GIGYF2: variants seen among roughly 807,000 people sequenced by gnomAD.
The protein encoded by GIGYF2 is GRB10 interacting GYF protein 2, also known as GRB10-interacting GYF protein 2.
GIGYF2 carries 25 observed loss-of-function variants against 208.1 expected under a neutral mutation model. The observed-to-expected ratio is 0.12, with a 90% CI of 0.09 to 0.17. GIGYF2 has a LOEUF of 0.17. Ranked by LOEUF, GIGYF2 falls within the 10% of genes least tolerant of loss-of-function variation. The pLI, the probability that GIGYF2 is intolerant of heterozygous loss-of-function variation, is 1.00. For missense variants in GIGYF2, 1,302 were observed against 1,579.4 expected, an observed-to-expected ratio of 0.82 and a Z score of 2.98; for synonymous variants, 534 against 543.8, an observed-to-expected ratio of 0.98 and a Z score of 0.25.
chr2:232,815,707 T>G lies in GIGYF2; in HGVS notation c.2178T>G (p.Leu726=), dbSNP rs745849355. 8.1e-6 allele frequency: 13 copies of G among 1,605,332 alleles called. No homozygotes were observed. The South Asian group carries it at 1.4e-4, about 18-fold the overall frequency. Residue 726 remains leucine, a synonymous_variant, in exon 19 of 29, where the codon CTT becomes CTG. Coordinates refer to ENST00000373563, the MANE Select transcript of GIGYF2 (RefSeq NM_001103146.3). The part of the protein sequence containing the change: ...TTTPGPALEQ[L]QQLEKAKAAK... ...CACCAGGCCCTGCCCTGGAACAGCT[T>G]CAGCAGCTAGAGAAGGCCAAAGCTG...
rs1574836053 is a variant in GIGYF2 at position 232,750,785 on chromosome 2, T to G, written c.267+1703T>G. ...TATGTTTGTGTGTGTGTGTATTTTT[T>G]GTTTACTTATTTAGATTTTCTATTT... On this transcript the variant is annotated intron_variant, in intron 5 of 28. Coordinates refer to ENST00000373563, the MANE Select transcript of GIGYF2 (RefSeq NM_001103146.3). 2.0e-5 allele frequency among the ~76,000 whole-genome samples: 3 copies of G among 151,772 alleles called. No homozygotes were observed. The East Asian group carries it at 5.8e-4, about 29-fold the overall frequency.
At chr2:232,814,568 C>CCG (rs1005668143) in intron 18 of GIGYF2, among the ~76,000 whole-genome samples, 2 of 123,634 alleles carry the variant, frequency 1.6e-5, no homozygotes, top group East Asian at 2.4e-4. Flanking sequence ...ACCTCAAACC[C>CCG]CCCCCCCCCA....
chr2:232,797,302 A>G (rs1700251356), intron 14 of GIGYF2, among the ~76,000 whole-genome samples: 1 of 152,106 alleles, frequency 6.6e-6, no homozygotes, highest in Non-Finnish European at 1.5e-5. Flanking sequence ...GTCACTTCAT[A>G]TTAGTGTAAT....
At chr2:232,838,189 G>A (rs1255115517) in intron 22 of GIGYF2, among the ~76,000 whole-genome samples, 2 of 152,066 alleles carry the variant, frequency 1.3e-5, no homozygotes, top group Non-Finnish European at 2.9e-5. Flanking sequence ...CTGTAGAACA[G>A]ACCTATGAAA....
At chr2:232,763,967 C>G (rs1698846963) in intron 8 of GIGYF2, among the ~76,000 whole-genome samples, 1 of 152,158 alleles carries the variant, frequency 6.6e-6, no homozygotes, top group African/African-American at 2.4e-5. Context: ...TAAATAAGAG[C>G]ATATGAACTC....
At position 232,813,951 on chromosome 2, in the gene GIGYF2, A is replaced by G. The variant is rs963361094; in HGVS notation, c.2107+1460A>G. Among the ~76,000 whole-genome samples the G allele has an allele frequency of 1.1e-3, 156 of 145,336 alleles. 1 individual carries two copies. In the Admixed American group the frequency reaches 0.011, roughly 10 times the overall value. On this transcript the variant is annotated intron_variant, in intron 18 of 28. Coordinates refer to ENST00000373563, the MANE Select transcript of GIGYF2 (RefSeq NM_001103146.3). ...TGCTGAGGCTGGTGTGTAGTGGCAC[A>G]ATCTCGGGTCACTGCAACCTCTGCC...
chr2:232,831,785 G>C (rs1295141456), intron 21 of GIGYF2, among the ~76,000 whole-genome samples: 1 of 152,174 alleles, frequency 6.6e-6, no homozygotes, highest in Non-Finnish European at 1.5e-5. Context: ...GGATATCACA[G>C]TGTGTGCAAC....
At chr2:232,809,573 GT>G in intron 15 of GIGYF2, 146 bp from the exon 16 acceptor site, 1 of 649,098 alleles carries the variant, frequency 1.5e-6, no homozygotes, top group Non-Finnish European at 2.8e-6. Context: ...AGATGTCTGA[GT>G]TTTTATTCAA....
At chr2:232,764,261 C>A (rs1454509008) in intron 8 of GIGYF2, among the ~76,000 whole-genome samples, 1 of 152,204 alleles carries the variant, frequency 6.6e-6, no homozygotes, top group African/African-American at 2.4e-5. Context: ...GGAAAGGATA[C>A]AACCCTCTCA....
chr2:232,857,070 T>G lies in GIGYF2; in HGVS notation c.*210T>G, dbSNP rs1690606988. ...CATCTCAGACTATAGATAAGTGGAC[T>G]GGACCCTGTGTCTTGGGGGTGGCAG... On this transcript the variant is annotated 3_prime_UTR_variant, in exon 29 of 29. Transcript: ENST00000373563. 5 of 602,412 alleles carry G rather than the reference T, an allele frequency of 8.3e-6. No homozygotes were observed. Among genetic ancestry groups the G allele is most frequent in the Non-Finnish European group, 1.5e-5 (5 of 334,732 alleles). The allele number at this position is 602,412 out of a possible 1,614,324, so 37.3% of individuals were successfully genotyped here.
chr2:232,819,629 ATTTTC>A (rs1342693322), intron 20 of GIGYF2, among the ~76,000 whole-genome samples, 193 bp from the exon 21 acceptor site: 7 of 152,182 alleles, frequency 4.6e-5, no homozygotes, highest in Non-Finnish European at 1.0e-4. Context: ...TTTAAATTCA[ATTTTC>A]TTTTCATTGT....
At chr2:232,718,839 G>T (rs1696816946) in intron 2 of GIGYF2, among the ~76,000 whole-genome samples, 1 of 152,152 alleles carries the variant, frequency 6.6e-6, no homozygotes, top group South Asian at 2.1e-4. Context: ...ACGTAGGTAG[G>T]CAGTGGGAAT....
intron 5 of GIGYF2, among the ~76,000 whole-genome samples, chr2:232,753,170 C>G (rs1415323159): frequency 6.6e-6 from 1 of 151,722 alleles, no homozygotes; most frequent in East Asian, 1.9e-4. Flanking sequence ...GTTGCCCAGG[C>G]TAGAGTGCAG....
intron 28 of GIGYF2, among the ~76,000 whole-genome samples, chr2:232,851,418 T>TTTTTTTTTTTTC (rs1690325850): frequency 6.6e-6 from 1 of 152,018 alleles, no homozygotes. Flanking sequence ...CTAACATTTT[T>TTTTTTTTTTTTC]TTTTTCTTTT....
At chr2:232,789,209 TGATAA>T (rs1700000204) in intron 9 of GIGYF2, among the ~76,000 whole-genome samples, 1 of 152,178 alleles carries the variant, frequency 6.6e-6, no homozygotes, top group African/African-American at 2.4e-5. Flanking sequence ...TATGAACTAC[TGATAA>T]GATAACATTA....
intron 14 of GIGYF2, among the ~76,000 whole-genome samples, chr2:232,797,669 T>C (rs1002065873): frequency 3.3e-5 from 5 of 152,168 alleles, no homozygotes; most frequent in South Asian, 2.1e-4. Context: ...AAGTGGGACA[T>C]TGACATTTGT....
At chr2:232,837,378 G>C (rs1476410133) in intron 22 of GIGYF2, among the ~76,000 whole-genome samples, 1 of 152,216 alleles carries the variant, frequency 6.6e-6, no homozygotes, top group Admixed American at 6.5e-5. Flanking sequence ...AACTCTTGCT[G>C]TTCTTACTGA....
intron 2 of GIGYF2, among the ~76,000 whole-genome samples, chr2:232,732,997 C>T (rs1697571031): frequency 6.6e-6 from 1 of 151,898 alleles, no homozygotes; most frequent in African/African-American, 2.4e-5. Flanking sequence ...TGGCTCACGC[C>T]TGTAATCCCA....
At chr2:232,778,741 A>G (rs538084946) in intron 8 of GIGYF2, among the ~76,000 whole-genome samples, 17 of 152,270 alleles carry the variant, frequency 1.1e-4, no homozygotes, top group African/African-American at 4.1e-4. Flanking sequence ...GCATTGGAAT[A>G]GGGATGTGGA....
Sources: allele counts gnomAD v4.1 joint callset (sites outside exome capture counted in the v4.1 genomes callset), GRCh38; gene constraint gnomAD v4.1.1; transcripts MANE v1.5; gene names NCBI Gene and HGNC (gene_info 2026-07-23, HGNC 2026-07-21).